PLXDC2: variants seen among roughly 807,000 people sequenced by gnomAD.
The protein encoded by PLXDC2 is plexin domain containing 2, also known as plexin domain-containing protein 2.
A neutral mutation model predicts 68.9 loss-of-function variants in PLXDC2; 40 were observed. The ratio of observed to expected loss-of-function variants is 0.58; its 90% CI spans 0.45 to 0.76. PLXDC2 has a LOEUF of 0.76. Ranked by LOEUF, PLXDC2 falls within the 30% of genes least tolerant of loss-of-function variation. The probability of loss-of-function intolerance (pLI) is 0.00; values close to 1 mark genes in which losing one functional copy is unlikely to be tolerated. For synonymous variants in PLXDC2, 243 were observed against 234.2 expected (o/e 1.04, Z -0.34); for missense variants, 644 against 661.9 (o/e 0.97, Z 0.30).
chr10:19,848,106 G>A lies in PLXDC2; in HGVS notation c.112+30915G>A, dbSNP rs188318734. Among the ~76,000 whole-genome samples, 83 of 152,066 alleles carry A rather than the reference G, an allele frequency of 5.5e-4. 1 individual carries two copies. Among genetic ancestry groups the A allele is most frequent in the Non-Finnish European group, 9.9e-4 (67 of 67,982 alleles). ...AGGCTGAGGCAGGAGGATCACTTGA[G>A]CCCAGGACTTTGAGACCCCATCTCT... On this transcript the variant is annotated intron_variant, in intron 1 of 13. Coordinates refer to ENST00000377252, the MANE Select transcript of PLXDC2 (RefSeq NM_032812.9).
chr10:20,149,633 C>T (rs955783635), intron 6 of PLXDC2, among the ~76,000 whole-genome samples: 1 of 152,160 alleles, frequency 6.6e-6, no homozygotes, highest in Non-Finnish European at 1.5e-5. Context: ...CATGCATTCT[C>T]ATCATTTAGC....
Position 20,091,101 on chromosome 10 carries a change from G to A in PLXDC2, c.541+22862G>A, listed in dbSNP as rs563873273. On this transcript the variant is annotated intron_variant, in intron 4 of 13. Transcript: ENST00000377252. The stretch of plus-strand genomic sequence containing the variant: ...AAAACATCAATATGTGATATGTTCA[G>A]CCTAGAACTCTATAGGAATTCAGTT... 2.6e-5 allele frequency among the ~76,000 whole-genome samples: 4 copies of A among 152,224 alleles called. No homozygotes were observed. The South Asian group carries it at 8.3e-4, about 32-fold the overall frequency.
intron 4 of PLXDC2, among the ~76,000 whole-genome samples, chr10:20,082,074 A>AAAAAAAG (rs1836576445): frequency 1.3e-5 from 2 of 149,676 alleles, no homozygotes; most frequent in African/African-American, 2.4e-5. Context: ...CAAAAAAAAA[A>AAAAAAAG]AACAGGAGAA....
chr10:20,098,158 G>A (rs557550711), intron 4 of PLXDC2, among the ~76,000 whole-genome samples: 1 of 152,182 alleles, frequency 6.6e-6, no homozygotes, highest in Admixed American at 6.6e-5. Context: ...CAGTTCTGGA[G>A]GCCAGAAGTC....
chr10:20,211,549 T>C, intron 9 of PLXDC2, 120 bp from the exon 10 acceptor site: 3 of 808,976 alleles, frequency 3.7e-6, no homozygotes, highest in Middle Eastern at 2.4e-4. Flanking sequence ...GAAGAGTTAA[T>C]GTTATGCTAA....
At chr10:20,175,746 C>T (rs773024156) in intron 7 of PLXDC2, among the ~76,000 whole-genome samples, 1 of 151,200 alleles carries the variant, frequency 6.6e-6, no homozygotes, top group Admixed American at 6.6e-5. Flanking sequence ...GTGGGAGGAT[C>T]GCTTGAGCCC....
intron 1 of PLXDC2, among the ~76,000 whole-genome samples, chr10:19,824,005 C>G (rs1380776381): frequency 6.6e-6 from 1 of 151,946 alleles, no homozygotes; most frequent in Non-Finnish European, 1.5e-5. Context: ...GTGACCCTGT[C>G]TCAAAAAGTA....
At chr10:19,823,073 G>A (rs1370357953) in intron 1 of PLXDC2, among the ~76,000 whole-genome samples, 2 of 151,884 alleles carry the variant, frequency 1.3e-5, no homozygotes, top group African/African-American at 2.4e-5. Flanking sequence ...CCGCCACCAC[G>A]CCCAGCTAAT....
chr10:19,864,115 C>T (rs1837370890), intron 1 of PLXDC2, among the ~76,000 whole-genome samples: 1 of 152,114 alleles, frequency 6.6e-6, no homozygotes, highest in Non-Finnish European at 1.5e-5. Context: ...TTTCTCCCAC[C>T]TCTGCCTCCT....
chr10:19,952,786 G>A (rs1305933029), intron 1 of PLXDC2, among the ~76,000 whole-genome samples: 2 of 152,140 alleles, frequency 1.3e-5, no homozygotes, highest in Non-Finnish European at 2.9e-5. Context: ...TACTTGCTTC[G>A]GATTTTCCAG....
At chr10:20,224,804 T>A (rs2131871515) in intron 12 of PLXDC2, among the ~76,000 whole-genome samples, 1 of 152,352 alleles carries the variant, frequency 6.6e-6, no homozygotes, top group Middle Eastern at 3.4e-3. Flanking sequence ...AAGTTTCTTC[T>A]CTTTGATCGA....
At chr10:20,026,624 A>G (rs551350861) in intron 2 of PLXDC2, among the ~76,000 whole-genome samples, 23 of 152,242 alleles carry the variant, frequency 1.5e-4, no homozygotes, top group Admixed American at 5.9e-4. Flanking sequence ...GCTGCAGTGC[A>G]GGATGTGATT....
chr10:19,943,384 G>A (rs563331880), intron 1 of PLXDC2, among the ~76,000 whole-genome samples: 1 of 152,090 alleles, frequency 6.6e-6, no homozygotes, highest in Admixed American at 6.6e-5. Context: ...AATATTCTAT[G>A]CTTCTAATGT....
intron 3 of PLXDC2, among the ~76,000 whole-genome samples, chr10:20,067,728 T>C (rs1836236555): frequency 6.6e-6 from 1 of 151,764 alleles, no homozygotes; most frequent in Admixed American, 6.6e-5. Context: ...GATCCACCAG[T>C]GCAAGACATC....
intron 2 of PLXDC2, among the ~76,000 whole-genome samples, chr10:20,041,533 G>A (rs960128321): frequency 3.3e-5 from 5 of 152,096 alleles, no homozygotes; most frequent in Admixed American, 2.6e-4. Flanking sequence ...CTTGAGACAT[G>A]ATGTGCAAAT....
intron 9 of PLXDC2, among the ~76,000 whole-genome samples, chr10:20,197,348 G>A (rs1834853413): frequency 6.6e-6 from 1 of 151,672 alleles, no homozygotes; most frequent in African/African-American, 2.4e-5. Context: ...AAGATCTATG[G>A]TGATTGTTTT....
In PLXDC2 at chr10:20,117,473, G is replaced by A. The variant is rs150040377; in HGVS notation, c.542-25822G>A. On this transcript the variant is annotated intron_variant, in intron 4 of 13. Coordinates refer to ENST00000377252, the MANE Select transcript of PLXDC2 (RefSeq NM_032812.9). Reference sequence around the variant, plus strand: ...ATTTATATGAGAGAACAAAGGAACAGTGATTTTCACACATTCAAGGCAGAC... The same window carrying A: ...ATTTATATGAGAGAACAAAGGAACAATGATTTTCACACATTCAAGGCAGAC... Among the ~76,000 whole-genome samples the A allele has an allele frequency of 4.6e-5, 7 of 152,300 alleles. No individual in the cohort carries two copies. In the East Asian group the frequency reaches 5.8e-4, roughly 13 times the overall value.
chr10:20,046,289 T>G (rs546015149), intron 2 of PLXDC2, among the ~76,000 whole-genome samples: 113 of 151,950 alleles, frequency 7.4e-4, no homozygotes, highest in Non-Finnish European at 1.4e-3. Flanking sequence ...ATTTAACAAT[T>G]TCCTCTAAAG....
At chr10:19,971,696 CATTT>C (rs1045003668) in intron 1 of PLXDC2, among the ~76,000 whole-genome samples, 3 of 151,968 alleles carry the variant, frequency 2.0e-5, no homozygotes, top group African/African-American at 7.3e-5. Flanking sequence ...GTGTTTTTTC[CATTT>C]ATTCATCTCT....
Sources: gnomAD v4.1 joint callset for allele counts (sites outside exome capture counted in the v4.1 genomes callset) on GRCh38, gnomAD v4.1.1 for gene constraint, MANE v1.5 for transcripts, NCBI Gene and HGNC (gene_info 2026-07-23, HGNC 2026-07-21) for gene names.